The following TMEFF2 variants were observed in gnomAD, a reference collection of about 807,000 sequenced individuals.
TMEFF2 encodes tomoregulin-2.
TMEFF2 carries 28 observed loss-of-function variants against 53.8 expected under a neutral mutation model. That is an observed-to-expected ratio of 0.52 (90% CI 0.39 to 0.71). The LOEUF is 0.71. TMEFF2 is among the 30% of genes least tolerant of loss of function. The probability of loss-of-function intolerance (pLI) is 0.00; values close to 1 mark genes in which losing one functional copy is unlikely to be tolerated. For missense variants in TMEFF2, 353 were observed against 455.2 expected, an observed-to-expected ratio of 0.78 and a Z score of 2.04; for synonymous variants, 162 against 166.3, an observed-to-expected ratio of 0.97 and a Z score of 0.20.
intron 5 of TMEFF2, chr2:192,036,481 T>C (rs907327436): frequency 1.3e-5 from 2 of 152,250 alleles, no homozygotes; most frequent in African/African-American, 4.8e-5. Context: ...TATTCTGGAA[T>C]GGTCGTGCAA....
At chr2:192,180,165 G>C (rs1691151001) in intron 3 of TMEFF2, among the ~76,000 whole-genome samples, 1 of 151,620 alleles carries the variant, frequency 6.6e-6, no homozygotes, top group African/African-American at 2.4e-5. Flanking sequence ...TTTTATATGG[G>C]TGTTGATATG....
At chr2:191,959,172 A>G (rs1211706050) in intron 7 of TMEFF2, among the ~76,000 whole-genome samples, 1 of 152,202 alleles carries the variant, frequency 6.6e-6, no homozygotes, top group Admixed American at 6.5e-5. Context: ...TCTGTCCTCC[A>G]TTTAAAAAGA....
At chr2:192,013,764 TTTAA>T (rs1363830764) in intron 5 of TMEFF2, among the ~76,000 whole-genome samples, 3 of 152,216 alleles carry the variant, frequency 2.0e-5, no homozygotes, top group African/African-American at 7.2e-5. Flanking sequence ...ACTTGATTTT[TTTAA>T]TTGTCTGTTT....
chr2:192,070,442 G>A (rs537076524), intron 4 of TMEFF2, among the ~76,000 whole-genome samples: 1 of 151,852 alleles, frequency 6.6e-6, no homozygotes, highest in African/African-American at 2.4e-5. Flanking sequence ...AAACAATTTT[G>A]AATGACTTCT....
intron 7 of TMEFF2, among the ~76,000 whole-genome samples, chr2:191,957,067 A>T (rs973070760): frequency 2.0e-5 from 3 of 152,222 alleles, no homozygotes; most frequent in Non-Finnish European, 4.4e-5. Flanking sequence ...ATGCTATGTG[A>T]AACCTAAACT....
chr2:192,179,698 TG>T lies in TMEFF2; in HGVS notation c.413-5del. ...TCTCCAGATCCTGATCCTGCATCTG[TG>T]GGGGGAAAAGTTATATTTGCTAGTA... On this transcript the variant is annotated splice_polypyrimidine_tract_variant and splice_region_variant and intron_variant, in intron 3 of 9. Coordinates refer to ENST00000272771, the MANE Select transcript of TMEFF2 (RefSeq NM_016192.4). The T allele has an allele frequency of 2.0e-6, 3 of 1,517,518 alleles. No individual in the cohort carries two copies. The highest frequency in any genetic ancestry group is 2.5e-5 in the Admixed American group (1 of 39,952). The allele number at this position is 1,517,518 out of a possible 1,614,324, so 94.0% of individuals were successfully genotyped here.
chr2:192,096,670 C>CTCTGTCTTTTTTTTT (rs61068218), intron 4 of TMEFF2, among the ~76,000 whole-genome samples: 2 of 53,686 alleles, frequency 3.7e-5, no homozygotes, highest in African/African-American at 1.3e-4. Flanking sequence ...CTCTCTCTCT[C>CTCTGTCTTTTTTTTT]TTTTTTTTTT....
At chr2:192,075,332 TAC>T (rs1553518845) in intron 4 of TMEFF2, among the ~76,000 whole-genome samples, 3 of 88,134 alleles carry the variant, frequency 3.4e-5, no homozygotes, top group African/African-American at 4.1e-5. Flanking sequence ...TATATATATA[TAC>T]ATACATACTA....
At chr2:191,950,475 A>C (rs753282079) in intron 9 of TMEFF2, 68 bp from the exon 10 acceptor site, 1 of 1,601,332 alleles carries the variant, frequency 6.2e-7, no homozygotes, top group Non-Finnish European at 8.6e-7. Context: ...CTACAATCAC[A>C]GAATAAAGAT....
chr2:192,194,895 C>G lies in TMEFF2; in HGVS notation c.-371G>C. 1 of 222,214 alleles carries G rather than the reference C, an allele frequency of 4.5e-6. No homozygotes were observed. Among genetic ancestry groups the G allele is most frequent in the Non-Finnish European group, 8.9e-6 (1 of 111,760 alleles). The allele number at this position is 222,214 out of a possible 1,614,324, so 13.8% of individuals were successfully genotyped here. On this transcript the variant is annotated 5_prime_UTR_variant, in exon 1 of 10. Transcript: ENST00000272771. The surrounding 1 kb of genome is among the most constrained non-coding windows in gnomAD (Gnocchi z 4.2). ...GGGAGAGTCAAGGCGCCCCGCAGCC[C>G]GGCAGCCGCCTCTCGAGCTCTGCCG...
intron 4 of TMEFF2, among the ~76,000 whole-genome samples, chr2:192,175,540 C>A (rs918372153): frequency 3.0e-4 from 45 of 151,332 alleles, no homozygotes; most frequent in Admixed American, 2.9e-3. Context: ...CTTTTTTATA[C>A]AAATAAACAT....
At chr2:191,956,883 G>T (rs536042682) in intron 7 of TMEFF2, among the ~76,000 whole-genome samples, 1 of 152,076 alleles carries the variant, frequency 6.6e-6, no homozygotes, top group African/African-American at 2.4e-5. Context: ...ATTCTTTCAG[G>T]CTTTTAAAAT....
At chr2:192,137,387 G>A (rs1386216961) in intron 4 of TMEFF2, among the ~76,000 whole-genome samples, 1 of 152,204 alleles carries the variant, frequency 6.6e-6, no homozygotes, top group Non-Finnish European at 1.5e-5. Flanking sequence ...TTGAATTGGA[G>A]AGTGTGCTAC....
Position 192,194,235 on chromosome 2 carries a change from G to A in TMEFF2, c.172+118C>T. The A allele has an allele frequency of 8.3e-7, 1 of 1,211,094 alleles. No individual in the cohort carries two copies. Among genetic ancestry groups the A allele is most frequent in the Non-Finnish European group, 1.2e-6 (1 of 843,180 alleles). 75.0% of individuals were successfully genotyped at this position (1,211,094 alleles called of 1,614,324 possible). ...CTGGATAGAGGTGGGTGGTATTAGG[G>A]GTCTAGGGCAGTAGGAGGTGAGGGG... On this transcript the variant is annotated intron_variant, in intron 1 of 9. Transcript: ENST00000272771. The surrounding 1 kb of genome is among the most constrained non-coding windows in gnomAD (Gnocchi z 4.2).
Position 191,949,681 on chromosome 2 carries a change from C to T in TMEFF2, c.*630G>A, listed in dbSNP as rs1691810101. On this transcript the variant is annotated 3_prime_UTR_variant, in exon 10 of 10. Coordinates refer to ENST00000272771, the MANE Select transcript of TMEFF2 (RefSeq NM_016192.4). ...TCCTTTATGAGTTATAAAACACTTTCCCTCCCCTTCTTCTTTTATTTAGTT... is the reference window on the plus strand; with the variant it reads ...TCCTTTATGAGTTATAAAACACTTTTCCTCCCCTTCTTCTTTTATTTAGTT... 1 of 985,402 alleles carries T rather than the reference C, an allele frequency of 1.0e-6. No individual in the cohort carries two copies. The highest frequency in any genetic ancestry group is 1.2e-6 in the Non-Finnish European group (1 of 829,946). The allele number at this position is 985,402 out of a possible 1,614,324, so 61.0% of individuals were successfully genotyped here.
chr2:192,052,859 A>G (rs1687807187), intron 5 of TMEFF2, among the ~76,000 whole-genome samples: 1 of 152,242 alleles, frequency 6.6e-6, no homozygotes, highest in South Asian at 2.1e-4. Flanking sequence ...AGATACCTCT[A>G]TTATGAGAAT....
At chr2:192,055,353 T>C (rs1687876640) in intron 5 of TMEFF2, among the ~76,000 whole-genome samples, 1 of 152,206 alleles carries the variant, frequency 6.6e-6, no homozygotes, top group Non-Finnish European at 1.5e-5. Flanking sequence ...TTCTGATTCA[T>C]TAATTTTGGG....
intron 9 of TMEFF2, among the ~76,000 whole-genome samples, chr2:191,953,358 TTTG>T (rs1386666177): frequency 6.6e-6 from 1 of 152,242 alleles, no homozygotes; most frequent in Non-Finnish European, 1.5e-5. Context: ...TAAAAATGTG[TTTG>T]TTATTATACC....
chr2:192,147,007 A>G (rs1283137716), intron 4 of TMEFF2, among the ~76,000 whole-genome samples: 2 of 152,154 alleles, frequency 1.3e-5, no homozygotes, highest in African/African-American at 4.8e-5. Flanking sequence ...GTAATACATT[A>G]AAAGGCATAA....
Sources: gnomAD v4.1 joint callset for allele counts (sites outside exome capture counted in the v4.1 genomes callset) on GRCh38, gnomAD v4.1.1 for gene constraint, Gnocchi (gnomAD v3.1) non-coding constraint, MANE v1.5 for transcripts, NCBI Gene and HGNC (gene_info 2026-07-23, HGNC 2026-07-21) for gene names.